Variants in TEAD1 observed in about 807,000 individuals in gnomAD.
The protein encoded by TEAD1 is transcriptional enhancer factor TEF-1.
A neutral mutation model predicts 54.9 loss-of-function variants in TEAD1; 9 were observed. The ratio of observed to expected loss-of-function variants is 0.16; its 90% CI spans 0.10 to 0.29. The LOEUF is 0.29. Ranked by LOEUF, TEAD1 falls within the 10% of genes least tolerant of loss-of-function variation. The pLI, the probability that TEAD1 is intolerant of heterozygous loss-of-function variation, is 1.00. For synonymous variants in TEAD1, 200 were observed against 187.8 expected (o/e 1.07, Z -0.53); for missense variants, 387 against 535.9 (o/e 0.72, Z 2.74).
At chr11:12,832,035 G>A (rs901880737) in intron 3 of TEAD1, among the ~76,000 whole-genome samples, 1 of 152,088 alleles carries the variant, frequency 6.6e-6, no homozygotes, top group Non-Finnish European at 1.5e-5. Context: ...TGGTGAGTAA[G>A]TGGCAGACCT....
intron 2 of TEAD1, among the ~76,000 whole-genome samples, chr11:12,722,972 A>G (rs1303893993): frequency 2.1e-5 from 3 of 142,930 alleles, no homozygotes; most frequent in Non-Finnish European, 4.4e-5. Flanking sequence ...TTGGACATCT[A>G]GATTTTTTTT....
chr11:12,677,665 T>A (rs1943125776), intron 2 of TEAD1, among the ~76,000 whole-genome samples: 1 of 152,248 alleles, frequency 6.6e-6, no homozygotes, highest in South Asian at 2.1e-4. Context: ...CATCGGTGTT[T>A]AGATCATATT....
At chr11:12,708,956 C>G (rs1450743469) in intron 2 of TEAD1, among the ~76,000 whole-genome samples, 2 of 152,180 alleles carry the variant, frequency 1.3e-5, no homozygotes, top group African/African-American at 4.8e-5. Flanking sequence ...TAATAGCGAT[C>G]ATCAAATGCT....
intron 3 of TEAD1, among the ~76,000 whole-genome samples, chr11:12,831,442 G>A (rs1946779467): frequency 6.6e-6 from 1 of 152,142 alleles, no homozygotes; most frequent in South Asian, 2.1e-4. Context: ...CTGCCTTATT[G>A]TCTTTGTGTC....
intron 9 of TEAD1, among the ~76,000 whole-genome samples, chr11:12,896,919 A>G (rs1336667242): frequency 6.6e-6 from 1 of 152,122 alleles, no homozygotes; most frequent in Non-Finnish European, 1.5e-5. Context: ...AAAATCTGTA[A>G]AACAGGCAGA....
At chr11:12,741,035 CAG>C (rs1944640473) in intron 2 of TEAD1, among the ~76,000 whole-genome samples, 1 of 152,078 alleles carries the variant, frequency 6.6e-6, no homozygotes, top group African/African-American at 2.4e-5. Flanking sequence ...AAGTATAAGA[CAG>C]AAAACTGCAA....
chr11:12,684,524 C>T (rs1943292587), intron 2 of TEAD1, among the ~76,000 whole-genome samples: 1 of 152,176 alleles, frequency 6.6e-6, no homozygotes, highest in African/African-American at 2.4e-5. Context: ...GGGCATTCAG[C>T]TTCAGGTGCG....
intron 2 of TEAD1, among the ~76,000 whole-genome samples, chr11:12,711,209 G>A (rs1250842434): frequency 3.3e-5 from 5 of 152,142 alleles, no homozygotes; most frequent in African/African-American, 9.7e-5. Context: ...GCAGCGGCTC[G>A]GGAAGAGGTG....
intron 3 of TEAD1, among the ~76,000 whole-genome samples, chr11:12,856,690 T>C (rs1011633400): frequency 1.3e-5 from 2 of 152,152 alleles, no homozygotes; most frequent in African/African-American, 4.8e-5. Flanking sequence ...CTTGTTTTAA[T>C]ATGGAAGAAC....
chr11:12,719,300 C>T (rs531593705), intron 2 of TEAD1, among the ~76,000 whole-genome samples: 9 of 152,206 alleles, frequency 5.9e-5, no homozygotes, highest in East Asian at 5.8e-4. Flanking sequence ...GAAATGATTG[C>T]GTCCTGTGGA....
At chr11:12,879,601 ATT>A in intron 5 of TEAD1, 105 bp from the exon 6 acceptor site, 1 of 1,459,530 alleles carries the variant, frequency 6.9e-7, no homozygotes, top group Non-Finnish European at 9.6e-7. Context: ...TTTTTGGCCT[ATT>A]TTGTGGCTCT....
At chr11:12,770,688 C>A (rs764750438) in intron 3 of TEAD1, among the ~76,000 whole-genome samples, 14 of 152,096 alleles carry the variant, frequency 9.2e-5, no homozygotes, top group Admixed American at 2.6e-4. Context: ...AGTAAATAAG[C>A]TGTGGAGCTG....
chr11:12,879,984 A>G, intron 6 of TEAD1, 142 bp downstream of exon 6: 1 of 1,282,250 alleles, frequency 7.8e-7, no homozygotes, highest in Non-Finnish European at 1.1e-6. Flanking sequence ...CTGATAACTG[A>G]GTCTAAAGTG....
intron 9 of TEAD1, among the ~76,000 whole-genome samples, chr11:12,892,120 G>T (rs1468339908): frequency 6.6e-6 from 1 of 152,140 alleles, no homozygotes; most frequent in Non-Finnish European, 1.5e-5. Flanking sequence ...AAAGGCAGTT[G>T]GTCAAACGTG....
chr11:12,803,614 C>G (rs1241315094), intron 3 of TEAD1, among the ~76,000 whole-genome samples: 1 of 152,200 alleles, frequency 6.6e-6, no homozygotes. Flanking sequence ...CTGTGTGGCT[C>G]TCCGTGCTGG....
At chr11:12,859,501 A>T (rs879262854) in intron 3 of TEAD1, among the ~76,000 whole-genome samples, 20 of 152,298 alleles carry the variant, frequency 1.3e-4, no homozygotes, top group East Asian at 3.9e-4. Flanking sequence ...AGGTACTCCT[A>T]GCTGGGCTCT....
Position 12,693,826 on chromosome 11 carries a change from C to G in TEAD1, c.-55+18265C>G, listed in dbSNP as rs138585450. 1.1e-3 allele frequency among the ~76,000 whole-genome samples: 169 copies of G among 152,300 alleles called. 2 individuals are homozygous for G. Among genetic ancestry groups the G allele is most frequent in the African/African-American group, 3.8e-3 (159 of 41,560 alleles). ...CATGAATCATGAGATGAGTCAGTTC[C>G]TGAAACCACTACAAGCCTCATAGTT... is the stretch of plus-strand genomic sequence containing the variant. On this transcript the variant is annotated intron_variant, in intron 2 of 12. Transcript: ENST00000527636.
intron 3 of TEAD1, among the ~76,000 whole-genome samples, chr11:12,845,394 GCACA>G (rs1365855279): frequency 2.0e-5 from 3 of 152,130 alleles, no homozygotes; most frequent in African/African-American, 7.2e-5. Context: ...GTGTGTGTGC[GCACA>G]CGCACACACA....
chr11:12,781,615 T>C (rs1355368630), intron 3 of TEAD1, among the ~76,000 whole-genome samples: 1 of 149,538 alleles, frequency 6.7e-6, no homozygotes, highest in Non-Finnish European at 1.5e-5. Flanking sequence ...CACTGCGATA[T>C]CACTTTATAT....
Sources: gnomAD v4.1 joint callset for allele counts (sites outside exome capture counted in the v4.1 genomes callset) on GRCh38, gnomAD v4.1.1 for gene constraint, MANE v1.5 for transcripts, NCBI Gene and HGNC (gene_info 2026-07-23, HGNC 2026-07-21) for gene names.